The following POLI variants were observed in gnomAD, a reference collection of about 807,000 sequenced individuals.
POLI encodes RAD30 homolog B.
Under a neutral mutation model 51.6 loss-of-function variants are expected in POLI, and 58 were observed. That is an observed-to-expected ratio of 1.12 (90% CI 0.91 to 1.40). POLI has a LOEUF of 1.40. Ranked by LOEUF, POLI falls within the 40% of genes most tolerant of loss-of-function variation. The probability of loss-of-function intolerance (pLI) is 0.00; values close to 1 mark genes in which losing one functional copy is unlikely to be tolerated. For synonymous variants in POLI, 322 were observed against 299.7 expected (o/e 1.07, Z -0.77); for missense variants, 921 against 871.3 (o/e 1.06, Z -0.72).
intron 3 of POLI, among the ~76,000 whole-genome samples, chr18:54,303,973 C>T (rs1174639266): frequency 6.6e-6 from 1 of 151,508 alleles, no homozygotes; most frequent in Admixed American, 6.6e-5. Flanking sequence ...CAAGTGTTCT[C>T]ATTGTTCAGT....
At chr18:54,283,057 A>G in intron 6 of POLI, 42 bp downstream of exon 6, 2 of 1,250,192 alleles carry the variant, frequency 1.6e-6, no homozygotes, top group Non-Finnish European at 2.2e-6. Context: ...TGGTTATCAC[A>G]TTATTTGAGA....
At chr18:54,309,929 T>C (rs638059) in intron 3 of POLI, among the ~76,000 whole-genome samples, 10,466 of 152,286 alleles carry the variant, frequency 0.069, 425 homozygotes, top group African/African-American at 0.087. Flanking sequence ...CGCCGTTTGC[T>C]AAGACCATTG....
intron 3 of POLI, among the ~76,000 whole-genome samples, chr18:54,310,668 TTAGA>T (rs1236146592): frequency 6.6e-6 from 1 of 152,144 alleles, no homozygotes; most frequent in African/African-American, 2.4e-5. Flanking sequence ...TTATTATATA[TTAGA>T]TATACTAAAG....
chr18:54,282,287 C>T (rs1393147298), intron 5 of POLI, among the ~76,000 whole-genome samples: 1 of 152,058 alleles, frequency 6.6e-6, no homozygotes. Context: ...TTGGCTGTCT[C>T]TGTATTCATT....
At chr18:54,299,770 G>C (rs1362508118), downstream of POLI, among the ~76,000 whole-genome samples, 1 of 152,102 alleles carries the variant, frequency 6.6e-6, no homozygotes, top group African/African-American at 2.4e-5. Flanking sequence ...CAGGTCCAAA[G>C]AGCTTGGCAA....
Position 54,296,596 on chromosome 18 carries a change from G to C in POLI, c.*2129G>C, listed in dbSNP as rs2088341790. 1 of 160,370 alleles carries C rather than the reference G, an allele frequency of 6.2e-6. No individual in the cohort carries two copies. Among genetic ancestry groups the C allele is most frequent in the East Asian group, 1.9e-4 (1 of 5,234 alleles). 9.9% of individuals were successfully genotyped at this position (160,370 alleles called of 1,614,324 possible). ...AATATTTCTTCTCTATTCTAGGACT[G>C]TATACAAATGATAGACTTTCTTACT... On this transcript the variant is annotated 3_prime_UTR_variant, in exon 10 of 10. Coordinates refer to ENST00000579534, the MANE Select transcript of POLI (RefSeq NM_007195.3).
At chr18:54,276,261 C>T (rs926067361) in intron 3 of POLI, among the ~76,000 whole-genome samples, 4 of 151,804 alleles carry the variant, frequency 2.6e-5, no homozygotes, top group Non-Finnish European at 4.4e-5. Flanking sequence ...TCCCAGAGGC[C>T]GAGGTAGGAG....
In POLI at chr18:54,295,233, C is replaced by CT; in HGVS notation, c.*769dup. ...ACTGGATAATGGAAGAAGTCCATTT[C>CT]TTTCTAGCTAGTTTGAAGGGCCTAA... is the stretch of plus-strand genomic sequence containing the variant. On this transcript the variant is annotated 3_prime_UTR_variant, in exon 10 of 10. Transcript: ENST00000579534. 1 of 985,316 alleles carries CT rather than the reference C, an allele frequency of 1.0e-6. No homozygotes were observed. The highest frequency in any genetic ancestry group is 1.2e-6 in the Non-Finnish European group (1 of 829,848). The allele number at this position is 985,316 out of a possible 1,614,324, so 61.0% of individuals were successfully genotyped here.
downstream of POLI, among the ~76,000 whole-genome samples, chr18:54,302,827 ATTG>A (rs1469370807): frequency 2.0e-5 from 3 of 152,076 alleles, no homozygotes; most frequent in Non-Finnish European, 4.4e-5. Flanking sequence ...CACAAGTTCA[ATTG>A]TTTTAATTTT....
chr18:54,303,353 C>G (rs566828134), intron 3 of POLI, among the ~76,000 whole-genome samples: 5 of 152,286 alleles, frequency 3.3e-5, no homozygotes, highest in African/African-American at 1.2e-4. Context: ...TCCGCTTGCA[C>G]TTTTTCTTAC....
Position 54,295,067 on chromosome 18 carries a change from G to A in POLI, c.*600G>A. On this transcript the variant is annotated 3_prime_UTR_variant, in exon 10 of 10. Coordinates refer to ENST00000579534, the MANE Select transcript of POLI (RefSeq NM_007195.3). ...TTCAATAAACATTGAATGAATGAAT[G>A]GTTTGGCTAGGGCCAGGGTGGGGAG... 4.1e-6 allele frequency: 4 copies of A among 985,450 alleles called. No individual in the cohort carries two copies. The highest frequency in any genetic ancestry group is 3.6e-6 in the Non-Finnish European group (3 of 829,998). 61.0% of individuals were successfully genotyped at this position (985,450 alleles called of 1,614,324 possible).
chr18:54,305,934 A>G (rs2088577198), intron 3 of POLI, among the ~76,000 whole-genome samples: 1 of 151,676 alleles, frequency 6.6e-6, no homozygotes, highest in South Asian at 2.1e-4. Context: ...AATTTTTTGT[A>G]TTTTTAGTAG....
chr18:54,272,994 A>G (rs1209306990), intron 2 of POLI, among the ~76,000 whole-genome samples: 2 of 151,208 alleles, frequency 1.3e-5, no homozygotes, highest in African/African-American at 4.9e-5. Context: ...TTTAGAAACA[A>G]TGTCTAATAG....
At chr18:54,283,124 A>G (rs2087591075) in intron 6 of POLI, 109 bp downstream of exon 6, 1 of 606,972 alleles carries the variant, frequency 1.6e-6, no homozygotes, top group Non-Finnish European at 2.7e-6. Context: ...TTAGTATGTG[A>G]TCCCTTTCCT....
At position 54,295,604 on chromosome 18, in the gene POLI, C is replaced by G. The variant is rs1401918462; in HGVS notation, c.*1137C>G. The G allele has an allele frequency of 4.0e-6, 3 of 745,728 alleles. No homozygotes were observed. The highest frequency in any genetic ancestry group is 6.7e-4 in the Middle Eastern group (1 of 1,498). The allele number at this position is 745,728 out of a possible 1,614,324, so 46.2% of individuals were successfully genotyped here. ...CCAAAGAGTAGCTTAAAAATACTTT[C>G]TTCTAGGTCTGAAATTTTCTTTTCT... On this transcript the variant is annotated 3_prime_UTR_variant, in exon 10 of 10. Transcript: ENST00000579534.
intron 3 of POLI, among the ~76,000 whole-genome samples, chr18:54,310,548 C>G (rs1464718939): frequency 2.0e-5 from 3 of 150,238 alleles, no homozygotes; most frequent in Non-Finnish European, 4.4e-5. Context: ...AAAATTGATT[C>G]ATGTTAACAA....
In POLI at chr18:54,294,706, A is replaced by C; in HGVS notation, c.*239A>C. On this transcript the variant is annotated 3_prime_UTR_variant, in exon 10 of 10. Coordinates refer to ENST00000579534, the MANE Select transcript of POLI (RefSeq NM_007195.3). ...AGCCATTTTATATTACTTTTCAATA[A>C]AAAGAATATCATGGTCAACATAGAA... 9.1e-7 allele frequency: 1 copy of C among 1,101,142 alleles called. No individual in the cohort carries two copies. Among genetic ancestry groups the C allele is most frequent in the Non-Finnish European group, 1.1e-6 (1 of 897,336 alleles). 68.2% of individuals were successfully genotyped at this position (1,101,142 alleles called of 1,614,324 possible). A position where few individuals can be genotyped will look rare whatever the true frequency, so the allele number is the denominator to read the frequency against.
chr18:54,280,633 T>C (rs375361619), intron 4 of POLI, 34 bp from the exon 5 acceptor site: 1 of 1,420,446 alleles, frequency 7.0e-7, no homozygotes, highest in Non-Finnish European at 9.9e-7. Context: ...AAGGTTTTTC[T>C]TGTGACTTTG....
intron 3 of POLI, among the ~76,000 whole-genome samples, chr18:54,306,304 A>T (rs1157037090): frequency 6.6e-6 from 1 of 152,126 alleles, no homozygotes; most frequent in African/African-American, 2.4e-5. Flanking sequence ...AATTTTGTCG[A>T]AGGCCTTTTC....
Sources: allele counts gnomAD v4.1 joint callset (sites outside exome capture counted in the v4.1 genomes callset), GRCh38; gene constraint gnomAD v4.1.1; transcripts MANE v1.5; gene names NCBI Gene and HGNC (gene_info 2026-07-23, HGNC 2026-07-21).